DAB1: variants seen among roughly 807,000 people sequenced by gnomAD.
The protein encoded by DAB1 is disabled homolog 1.
In DAB1, 15 loss-of-function variants were observed where a neutral mutation model predicts 64.6. The observed-to-expected ratio is 0.23, with a 90% CI of 0.16 to 0.36. The LOEUF (loss-of-function observed/expected upper bound fraction) is 0.36. Among genes scored for constraint, DAB1 ranks in the 10% least tolerant of loss-of-function variants. The pLI, the probability that DAB1 is intolerant of heterozygous loss-of-function variation, is 1.00. For missense variants in DAB1, 596 were observed against 706.7 expected (o/e 0.84, Z 1.78); for synonymous variants, 235 against 251.9 (o/e 0.93, Z 0.64).
At position 57,004,705 on chromosome 1, in the gene DAB1, T is replaced by C. The variant is rs543110703; in HGVS notation, c.*15+5975A>G. Among the ~76,000 whole-genome samples the C allele has an allele frequency of 4.6e-5, 7 of 152,268 alleles. No individual in the cohort carries two copies. In the East Asian group the frequency reaches 5.8e-4, roughly 13 times the overall value. ...TTGGCTTGACAAATGAAAAAGGTAT[T>C]GGTAGTCAGAGGGGAAAAAGGCTAA... On this transcript the variant is annotated intron_variant, in intron 14 of 14. Coordinates refer to ENST00000371236, the MANE Select transcript of DAB1 (RefSeq NM_001365792.1).
intron 2 of DAB1, among the ~76,000 whole-genome samples, chr1:58,509,719 T>A (rs934145672): frequency 6.6e-6 from 1 of 151,222 alleles, no homozygotes; most frequent in Admixed American, 6.6e-5. Context: ...AAGAGCTTTT[T>A]GGGGAAAGAT....
chr1:57,937,106 G>A (rs1238507551), intron 5 of DAB1, among the ~76,000 whole-genome samples: 1 of 151,960 alleles, frequency 6.6e-6, no homozygotes, highest in Non-Finnish European at 1.5e-5. Context: ...GTTTATCTCT[G>A]TATTCCTGTG....
At chr1:57,070,944 T>A in intron 7 of DAB1, 79 bp downstream of exon 7, 2 of 1,271,560 alleles carry the variant, frequency 1.6e-6, no homozygotes, top group South Asian at 1.2e-5. Flanking sequence ...CAGTGGATTC[T>A]TCAGGTTTCT....
chr1:58,343,739 T>C (rs542475691), intron 3 of DAB1, among the ~76,000 whole-genome samples: 5 of 152,332 alleles, frequency 3.3e-5, no homozygotes, highest in African/African-American at 4.8e-5. Flanking sequence ...GTCTTCTCTA[T>C]TGAAAGAGAG....
intron 9 of DAB1, among the ~76,000 whole-genome samples, chr1:57,057,146 G>A (rs1031768638): frequency 6.6e-6 from 1 of 152,156 alleles, no homozygotes; most frequent in African/African-American, 2.4e-5. Flanking sequence ...TAAATGGGCT[G>A]TCCACTGGAA....
chr1:57,846,565 T>C (rs1458791861), intron 1 of DAB1, among the ~76,000 whole-genome samples: 1 of 152,200 alleles, frequency 6.6e-6, no homozygotes, highest in Non-Finnish European at 1.5e-5. Context: ...TGCTGTTTAC[T>C]CTGCTAAGGT....
intron 2 of DAB1, among the ~76,000 whole-genome samples, chr1:57,282,182 C>CAA (rs61512431): frequency 0.022 from 2,056 of 92,420 alleles, 247 homozygotes; most frequent in Non-Finnish European, 0.031. Flanking sequence ...GCCTTCTTCT[C>CAA]AAAAAAAAAA....
Position 56,995,357 on chromosome 1 carries a change from GGGACAGGATACGGT to G in DAB1, c.*2773_*2786del, listed in dbSNP as rs911286421. On this transcript the variant is annotated 3_prime_UTR_variant, in exon 15 of 15. Transcript: ENST00000371236. ...TGCTTGGAAATTTCACTGTACTCCT[GGGACAGGATACGGT>G]GCTTCCAGGCTCACCAAACAGTGCT... The G allele has an allele frequency of 6.6e-6, 1 of 152,230 alleles. No homozygotes were observed. The highest frequency in any genetic ancestry group is 6.5e-5 in the Admixed American group (1 of 15,282). 9.4% of individuals were successfully genotyped at this position (152,230 alleles called of 1,614,324 possible). A position where few individuals can be genotyped will look rare whatever the true frequency, so the allele number is the denominator to read the frequency against.
chr1:57,926,445 GA>G (rs990018517), intron 5 of DAB1, among the ~76,000 whole-genome samples: 1 of 151,882 alleles, frequency 6.6e-6, no homozygotes, highest in South Asian at 2.1e-4. Context: ...GCCAAAGTGG[GA>G]AAAAAAACAG....
At chr1:57,609,500 C>T (rs1349515286) in intron 7 of DAB1, among the ~76,000 whole-genome samples, 1 of 152,034 alleles carries the variant, frequency 6.6e-6, no homozygotes, top group African/African-American at 2.4e-5. Flanking sequence ...ACGAATTCCC[C>T]CACGAATACC....
intron 7 of DAB1, among the ~76,000 whole-genome samples, chr1:57,465,157 G>T (rs896063913): frequency 6.6e-6 from 1 of 152,062 alleles, no homozygotes; most frequent in Non-Finnish European, 1.5e-5. Flanking sequence ...GGAGAGTGAG[G>T]GTTTTACAAG....
intron 6 of DAB1, among the ~76,000 whole-genome samples, chr1:57,697,417 G>T (rs1240598143): frequency 1.2e-5 from 1 of 86,448 alleles, no homozygotes; most frequent in East Asian, 3.7e-4. Context: ...ATAAGCTCAC[G>T]TTTCTAAAAA....
chr1:57,705,113 A>G (rs1220058206), intron 6 of DAB1, among the ~76,000 whole-genome samples: 1 of 152,184 alleles, frequency 6.6e-6, no homozygotes, highest in East Asian at 1.9e-4. Flanking sequence ...TTTACATAGT[A>G]TTCTACTCAT....
At chr1:57,257,426 T>C (rs74077615) in intron 2 of DAB1, among the ~76,000 whole-genome samples, 3,125 of 152,326 alleles carry the variant, frequency 0.021, 105 homozygotes, top group African/African-American at 0.07. Flanking sequence ...CTATGGTGGA[T>C]AAAGTGCATG....
At chr1:57,977,724 A>G (rs553580045) in intron 5 of DAB1, among the ~76,000 whole-genome samples, 20 of 152,222 alleles carry the variant, frequency 1.3e-4, no homozygotes, top group African/African-American at 4.1e-4. Flanking sequence ...CGGACCCACC[A>G]CAAGAATTGC....
At chr1:57,566,523 C>T (rs11207062) in intron 7 of DAB1, among the ~76,000 whole-genome samples, 60,454 of 151,676 alleles carry the variant, frequency 0.4, 14,108 homozygotes, top group Non-Finnish European at 0.53. Context: ...ATCGATAGAC[C>T]GCTAGCAAGA....
chr1:57,391,806 C>CAT (rs1359165466), intron 1 of DAB1, among the ~76,000 whole-genome samples: 2 of 133,110 alleles, frequency 1.5e-5, no homozygotes, highest in East Asian at 2.0e-4. Flanking sequence ...CACACACACA[C>CAT]ACACACAGAG....
intron 6 of DAB1, among the ~76,000 whole-genome samples, chr1:57,733,310 G>A (rs943946470): frequency 1.3e-5 from 2 of 151,478 alleles, no homozygotes; most frequent in African/African-American, 2.4e-5. Context: ...AATCTAGTAG[G>A]CTTATTATTT....
rs1644609091 is a variant in DAB1, at chr1:58,405,519, T to C, written n.258-62116A>G. ...TAGCTGGGACTACAGGCATGCACCA[T>C]CACACCCAGCTAATTTTTATATTTG... On this transcript the variant is annotated intron_variant and non_coding_transcript_variant, in intron 3 of 20. Coordinates refer to the DAB1 transcript ENST00000485760. Among the ~76,000 whole-genome samples the C allele has an allele frequency of 2.6e-5, 4 of 152,022 alleles. No individual in the cohort carries two copies. The South Asian group carries it at 8.3e-4, about 32-fold the overall frequency.
Sources: gnomAD v4.1 joint callset for allele counts (sites outside exome capture counted in the v4.1 genomes callset) on GRCh38, gnomAD v4.1.1 for gene constraint, MANE v1.5 for transcripts, NCBI Gene and HGNC (gene_info 2026-07-23, HGNC 2026-07-21) for gene names.